The following CDH17 variants were observed in gnomAD, a reference collection of about 807,000 sequenced individuals.
CDH17 encodes the protein cadherin 17, also known as cadherin-17.
CDH17 carries 67 observed loss-of-function variants against 86.3 expected under a neutral mutation model. The ratio of observed to expected loss-of-function variants is 0.78; its 90% CI spans 0.64 to 0.95. The LOEUF is 0.95. Ranked by LOEUF, CDH17 falls within the 40% of genes least tolerant of loss-of-function variation. The pLI is 0.00. For missense variants in CDH17, 993 were observed against 1,017.6 expected (o/e 0.98, Z 0.33); for synonymous variants, 367 against 366.4 (o/e 1.00, Z -0.02).
chr8:94,170,756 GT>G lies in CDH17; in HGVS notation c.915+97del, dbSNP rs377343546. 5.6e-4 allele frequency: 709 copies of G among 1,275,204 alleles called. 2 individuals are homozygous for G. Among genetic ancestry groups the G allele is most frequent in the South Asian group, 2.3e-3 (140 of 61,908 alleles). The allele number at this position is 1,275,204 out of a possible 1,614,324, so 79.0% of individuals were successfully genotyped here. ...TAATATGCTGGAGTCTGAAATGTGT[GT>G]TTTTTTTTTCTTTAAAGTAAAATCC... On this transcript the variant is annotated intron_variant, in intron 8 of 17. Transcript: ENST00000027335.
intron 2 of CDH17, among the ~76,000 whole-genome samples, chr8:94,191,905 C>A (rs758326107): frequency 2.6e-5 from 4 of 152,176 alleles, no homozygotes; most frequent in Non-Finnish European, 4.4e-5. Flanking sequence ...GAAGGCAGGG[C>A]ATAAGAACTG....
rs558720091 is a variant in CDH17, at chr8:94,199,096, T to A, written c.-20-4391A>T. ...ATATATATATATATTTTTTTTTTTTTATCATTTGTCTGTTAGCATTACTGC... is the reference window on the plus strand; with the variant it reads ...ATATATATATATATTTTTTTTTTTTAATCATTTGTCTGTTAGCATTACTGC... On this transcript the variant is annotated intron_variant, in intron 1 of 17. Transcript: ENST00000027335. 2.2e-3 allele frequency among the ~76,000 whole-genome samples: 295 copies of A among 135,474 alleles called. 2 individuals carry two copies. Among genetic ancestry groups the A allele is most frequent in the African/African-American group, 7.9e-3 (280 of 35,626 alleles). The allele number at this position is 135,474 out of a possible 152,430, so 88.9% of individuals were successfully genotyped here.
chr8:94,164,680 T>A (rs1328313001), intron 10 of CDH17, among the ~76,000 whole-genome samples: 6 of 152,234 alleles, frequency 3.9e-5, no homozygotes, highest in Non-Finnish European at 7.3e-5. Context: ...TTCTTGTTTG[T>A]TCTCCATACC....
At chr8:94,169,622 C>T (rs1314803952) in intron 9 of CDH17, among the ~76,000 whole-genome samples, 2 of 152,160 alleles carry the variant, frequency 1.3e-5, no homozygotes, top group Non-Finnish European at 2.9e-5. Flanking sequence ...TTGGAAGCCT[C>T]TGAAAGGTAC....
intron 17 of CDH17, among the ~76,000 whole-genome samples, chr8:94,129,231 G>T (rs1409042631): frequency 6.6e-6 from 1 of 152,162 alleles, no homozygotes; most frequent in Non-Finnish European, 1.5e-5. Context: ...TCCTTTCAAG[G>T]TGGGAGGGCA....
intron 9 of CDH17, among the ~76,000 whole-genome samples, chr8:94,166,899 C>T (rs1044738888): frequency 6.6e-6 from 1 of 152,164 alleles, no homozygotes; most frequent in Admixed American, 6.5e-5. Context: ...CTGGAGGGAA[C>T]GCTGCCCTGC....
intron 1 of CDH17, among the ~76,000 whole-genome samples, chr8:94,205,942 G>C (rs534290455): frequency 6.6e-6 from 1 of 152,152 alleles, no homozygotes; most frequent in Admixed American, 6.5e-5. Flanking sequence ...CTTTAGCTTA[G>C]ATGTTAAGGG....
intron 12 of CDH17, among the ~76,000 whole-genome samples, chr8:94,154,181 G>A (rs1030241803): frequency 1.3e-5 from 2 of 152,104 alleles, no homozygotes; most frequent in African/African-American, 4.8e-5. Context: ...TCATAGCAGT[G>A]GTTCTCAATC....
intron 1 of CDH17, 105 bp downstream of exon 1, chr8:94,208,378 G>A (rs2607076): frequency 0.03 from 4,529 of 152,226 alleles, 79 homozygotes; most frequent in Middle Eastern, 0.048. Context: ...CCCACCTCAA[G>A]GAACAAATTT....
intron 1 of CDH17, among the ~76,000 whole-genome samples, chr8:94,196,825 G>A (rs905439798): frequency 3.3e-5 from 5 of 152,238 alleles, no homozygotes; most frequent in East Asian, 1.9e-4. Context: ...TGTTCAACAC[G>A]GCGGCTCCAT....
At chr8:94,133,030 C>T (rs1056783722) in intron 15 of CDH17, among the ~76,000 whole-genome samples, 19 of 152,136 alleles carry the variant, frequency 1.2e-4, no homozygotes, top group Non-Finnish European at 2.4e-4. Context: ...GTCTATATAT[C>T]TGTTTTGGTA....
At position 94,170,451 on chromosome 8, in the gene CDH17, G is replaced by C. The variant is rs758305261; in HGVS notation, c.1012C>G (p.Pro338Ala). 9.3e-6 allele frequency: 15 copies of C among 1,613,738 alleles called. No homozygotes were observed. The highest frequency in any genetic ancestry group is 1.3e-5 in the Non-Finnish European group (15 of 1,179,846). ...VKVKDINDNP[P>A]TCPSPVTVFE... ...ACGGTTACTGGTGACGGACATGTAG[G>C]TGGATTATCATTAATATCTTTAACT... Residue 338 changes from proline (P) to alanine (A), a missense_variant, in exon 9 of 18, where the codon CCT becomes GCT. Coordinates refer to ENST00000027335, the MANE Select transcript of CDH17 (RefSeq NM_004063.4).
At chr8:94,148,913 C>G (rs1159586980) in intron 13 of CDH17, 39 bp from the exon 14 acceptor site, 2 of 1,569,090 alleles carry the variant, frequency 1.3e-6, no homozygotes, top group African/African-American at 2.8e-5. Flanking sequence ...GCCTGCATTA[C>G]TTTGCATGAA....
At chr8:94,180,702 T>C (rs1196760770) in intron 3 of CDH17, among the ~76,000 whole-genome samples, 1 of 152,066 alleles carries the variant, frequency 6.6e-6, no homozygotes, top group Non-Finnish European at 1.5e-5. Flanking sequence ...GAGACCTTCC[T>C]GGCTAACACG....
intron 11 of CDH17, 107 bp from the exon 12 acceptor site, chr8:94,160,269 T>G (rs532549673): frequency 2.5e-5 from 20 of 791,860 alleles, no homozygotes; most frequent in East Asian, 2.3e-4. Flanking sequence ...ATAGTTTGCA[T>G]CAATCTTCAT....
chr8:94,151,635 G>A (rs1192344069), intron 13 of CDH17, among the ~76,000 whole-genome samples: 3 of 152,192 alleles, frequency 2.0e-5, no homozygotes, highest in African/African-American at 7.2e-5. Context: ...CTCATGGGCT[G>A]GAATGGAACC....
intron 3 of CDH17, among the ~76,000 whole-genome samples, chr8:94,186,686 C>T (rs1813586112): frequency 6.6e-6 from 1 of 152,216 alleles, no homozygotes; most frequent in Non-Finnish European, 1.5e-5. Context: ...CCCTCACTTC[C>T]CGTTGAACTA....
At chr8:94,156,008 C>T (rs1195931971) in intron 12 of CDH17, among the ~76,000 whole-genome samples, 1 of 152,192 alleles carries the variant, frequency 6.6e-6, no homozygotes, top group East Asian at 1.9e-4. Flanking sequence ...TGTCCGGCCA[C>T]GTGCATTGTG....
At chr8:94,159,799 C>T (rs74579651) in intron 12 of CDH17, among the ~76,000 whole-genome samples, 172 bp downstream of exon 12, 5,072 of 152,106 alleles carry the variant, frequency 0.033, 291 homozygotes, top group East Asian at 0.24. Flanking sequence ...CCTGACTTCC[C>T]GTCTGTCAGG....
Sources: gnomAD v4.1 joint callset for allele counts (sites outside exome capture counted in the v4.1 genomes callset) on GRCh38, gnomAD v4.1.1 for gene constraint, MANE v1.5 for transcripts, NCBI Gene and HGNC (gene_info 2026-07-23, HGNC 2026-07-21) for gene names.